ZNF708: variants seen among roughly 807,000 people sequenced by gnomAD.
ZNF708 encodes the protein ZNF15, ZNF15L1.
In ZNF708, 44 loss-of-function variants were observed where a neutral mutation model predicts 47.0. The ratio of observed to expected loss-of-function variants is 0.94; its 90% CI spans 0.74 to 1.20. ZNF708 has a LOEUF of 1.20. ZNF708 is among the 50% of genes most tolerant of loss of function. The pLI, the probability that ZNF708 is intolerant of heterozygous loss-of-function variation, is 0.00. For missense variants in ZNF708, 557 were observed against 656.0 expected, an observed-to-expected ratio of 0.85 and a Z score of 1.65; for synonymous variants, 184 against 218.5, an observed-to-expected ratio of 0.84 and a Z score of 1.39.
chr19:21,299,084 G>A (rs965371821), intron 3 of ZNF708, among the ~76,000 whole-genome samples: 7 of 152,156 alleles, frequency 4.6e-5, no homozygotes, highest in African/African-American at 7.2e-5. Context: ...TTAGCTTTAC[G>A]GCCAGGCAGT....
At chr19:21,316,542 C>T (rs747942985) in intron 1 of ZNF708, among the ~76,000 whole-genome samples, 1 of 152,048 alleles carries the variant, frequency 6.6e-6, no homozygotes, top group Non-Finnish European at 1.5e-5. Context: ...GACATTTTAG[C>T]AAGAGGAGAA....
At chr19:21,327,896 T>C (rs1973295392) in intron 1 of ZNF708, 1 of 567,744 alleles carries the variant, frequency 1.8e-6, no homozygotes, top group Non-Finnish European at 2.4e-6. Context: ...AGGAAGAGTA[T>C]GCCAGGAGAT....
chr19:21,320,926 G>T (rs369171295), intron 1 of ZNF708, among the ~76,000 whole-genome samples: 1 of 151,898 alleles, frequency 6.6e-6, no homozygotes, highest in Non-Finnish European at 1.5e-5. Flanking sequence ...TGGATCACGA[G>T]GTCAGGAGAT....
At chr19:21,314,625 T>C (rs1972967006) in intron 1 of ZNF708, among the ~76,000 whole-genome samples, 2 of 152,208 alleles carry the variant, frequency 1.3e-5, no homozygotes, top group African/African-American at 4.8e-5. Context: ...GACTGCTTCA[T>C]CTATTTTTCT....
chr19:21,321,626 G>A (rs1973139899), intron 1 of ZNF708, among the ~76,000 whole-genome samples: 1 of 136,490 alleles, frequency 7.3e-6, no homozygotes, highest in South Asian at 2.7e-4. Context: ...AGAGGATGGG[G>A]AGGGGAGGGG....
At chr19:21,297,016 C>A (rs1037039837) in intron 3 of ZNF708, among the ~76,000 whole-genome samples, 2 of 151,122 alleles carry the variant, frequency 1.3e-5, no homozygotes, top group Non-Finnish European at 2.9e-5. Context: ...AACTGTAATC[C>A]CAGCTACTTG....
intron 3 of ZNF708, among the ~76,000 whole-genome samples, chr19:21,298,837 T>C (rs1972596696): frequency 6.6e-6 from 1 of 152,222 alleles, no homozygotes; most frequent in African/African-American, 2.4e-5. Context: ...CAAAATCATT[T>C]AGTAAATATA....
At chr19:21,307,935 C>T (rs1379669886) in intron 3 of ZNF708, among the ~76,000 whole-genome samples, 1 of 151,840 alleles carries the variant, frequency 6.6e-6, no homozygotes, top group African/African-American at 2.4e-5. Flanking sequence ...ATAAACTCAA[C>T]TTATAAGTTA....
rs754022568 is a variant in ZNF708, at chr19:21,293,847, A to G, written c.1119T>C (p.Phe373=). The part of the protein sequence containing the change: ...PYKCEECGKA[F]NRSSHLTNHK... Reference sequence around the variant, plus strand: ...GATTAGTAAGGTGTGAGGACCGGTTAAAAGCTTTGCCACATTCTTCACATT... The same window carrying G: ...GATTAGTAAGGTGTGAGGACCGGTTGAAAGCTTTGCCACATTCTTCACATT... The change falls in exon 4 of 4, where the codon TTT becomes TTC. Residue 373 remains phenylalanine (F), a synonymous_variant. Coordinates refer to ENST00000356929, the MANE Select transcript of ZNF708 (RefSeq NM_021269.3). The G allele has an allele frequency of 2.5e-6, 4 of 1,613,284 alleles. No individual in the cohort carries two copies. Among genetic ancestry groups the G allele is most frequent in the Non-Finnish European group, 3.4e-6 (4 of 1,179,762 alleles).
At chr19:21,299,849 TTAGA>T (rs557410885) in intron 3 of ZNF708, among the ~76,000 whole-genome samples, 39 of 152,058 alleles carry the variant, frequency 2.6e-4, no homozygotes, top group Middle Eastern at 3.4e-3. Context: ...ACAATAATAC[TTAGA>T]TAAAGTTATC....
chr19:21,302,124 CA>C (rs1972672655), intron 3 of ZNF708, among the ~76,000 whole-genome samples: 1 of 151,842 alleles, frequency 6.6e-6, no homozygotes. Flanking sequence ...AAAATGAGTC[CA>C]TTTTTTTGAA....
rs535598540 is a variant in ZNF708 at position 21,312,943 on chromosome 19, G to T, written c.4-2316C>A. Among the ~76,000 whole-genome samples, 5 of 150,204 alleles carry T rather than the reference G, an allele frequency of 3.3e-5. No individual in the cohort carries two copies. The South Asian group carries it at 8.5e-4, about 25-fold the overall frequency. On this transcript the variant is annotated intron_variant, in intron 1 of 3. Transcript: ENST00000356929. The stretch of plus-strand genomic sequence containing the variant: ...CAATGTCTGAATAAGTCTGCATTTG[G>T]AAAACAACATGTACTAATGCAAGGT...
At chr19:21,314,849 C>T (rs1972971790) in intron 1 of ZNF708, among the ~76,000 whole-genome samples, 1 of 152,164 alleles carries the variant, frequency 6.6e-6, no homozygotes, top group Non-Finnish European at 1.5e-5. Context: ...TGACACAATT[C>T]TGCTCTGGAC....
rs755799478 is a variant in ZNF708 at position 21,310,458 on chromosome 19, AT to A, written c.130+42del. 1.2e-4 allele frequency: 118 copies of A among 981,908 alleles called. 3 individuals are homozygous for A. The highest frequency in any genetic ancestry group is 4.4e-4 in the Middle Eastern group (1 of 2,282). The allele number at this position is 981,908 out of a possible 1,614,324, so 60.8% of individuals were successfully genotyped here. A position where few individuals can be genotyped will look rare whatever the true frequency, so the allele number is the denominator to read the frequency against. ...AAACTCTGTCTCAAAAAAAAAAATA[AT>A]AATAAATAATAAAAATTAAAAAAAA... On this transcript the variant is annotated intron_variant, in intron 2 of 3. Transcript: ENST00000356929.
At position 21,324,480 on chromosome 19, in the gene ZNF708, T is replaced by C. The variant is rs576431284; in HGVS notation, c.3+4730A>G. Among the ~76,000 whole-genome samples, 4 of 152,058 alleles carry C rather than the reference T, an allele frequency of 2.6e-5. No homozygotes were observed. The South Asian group carries it at 8.3e-4, about 32-fold the overall frequency. On this transcript the variant is annotated intron_variant, in intron 1 of 3. Transcript: ENST00000356929. ...TACTCAAGAGACTGAGGCAGGAGAA[T>C]AGTTTGAACCCAGGAGGCGGAAGCT...
chr19:21,317,748 T>G lies in ZNF708; in HGVS notation c.4-7121A>C, dbSNP rs559545417. 8.6e-3 allele frequency among the ~76,000 whole-genome samples: 1,311 copies of G among 152,352 alleles called. 8 individuals carry two copies. The highest frequency in any genetic ancestry group is 0.014 in the Non-Finnish European group (929 of 68,040). ...AAGTCGAAGAATTTACAGCACCATGTCATACAGAGCTCATCCTAAATTCAC... is the reference window on the plus strand; with the variant it reads ...AAGTCGAAGAATTTACAGCACCATGGCATACAGAGCTCATCCTAAATTCAC... On this transcript the variant is annotated intron_variant, in intron 1 of 3. Coordinates refer to ENST00000356929, the MANE Select transcript of ZNF708 (RefSeq NM_021269.3).
intron 1 of ZNF708, 95 bp downstream of exon 1, chr19:21,329,115 G>T: frequency 6.5e-7 from 1 of 1,548,884 alleles, no homozygotes; most frequent in South Asian, 1.1e-5. Context: ...AGATTGTGGA[G>T]ATGACTGCGG....
rs1189462968 is a variant in ZNF708, at chr19:21,294,609, C to A, written c.357G>T (p.Lys119Asn). 6.2e-7 allele frequency: 1 copy of A among 1,613,960 alleles called. No homozygotes were observed. The highest frequency in any genetic ancestry group is 8.5e-7 in the Non-Finnish European group (1 of 1,180,018). ...GTCCCTTGTGACCTCCTTTGTGCAA[C>A]TTATGCTCATCCACACTTTTACAGC... ...QKGCKSVDEHKLHKGGHKGLN... is the reference protein window; with the variant it reads ...QKGCKSVDEHNLHKGGHKGLN... Residue 119 changes from lysine to asparagine, a missense_variant, in exon 4 of 4, where the codon AAG becomes AAT. Coordinates refer to ENST00000356929, the MANE Select transcript of ZNF708 (RefSeq NM_021269.3).
At chr19:21,327,924 C>T in intron 1 of ZNF708, 1 of 895,080 alleles carries the variant, frequency 1.1e-6, no homozygotes, top group Non-Finnish European at 1.4e-6. Context: ...AGCCCCAGGG[C>T]ATCCACCTGC....
Sources: allele counts gnomAD v4.1 joint callset (sites outside exome capture counted in the v4.1 genomes callset), GRCh38; gene constraint gnomAD v4.1.1; transcripts MANE v1.5; gene names NCBI Gene and HGNC (gene_info 2026-07-23, HGNC 2026-07-21).